Variants in CLUH observed in about 807,000 individuals in gnomAD.
The protein encoded by CLUH is CLUH binding protein of NUMT mRNA, also known as clustered mitochondria protein homolog.
A neutral mutation model predicts 139.3 loss-of-function variants in CLUH; 77 were observed. That is an observed-to-expected ratio of 0.55 (90% CI 0.46 to 0.67). The LOEUF is 0.67. Ranked by LOEUF, CLUH falls within the 30% of genes least tolerant of loss-of-function variation. The pLI is 0.00. For missense variants in CLUH, 1,876 were observed against 1,875.8 expected, an observed-to-expected ratio of 1.00 and a Z score of 0.00; for synonymous variants, 999 against 801.6, an observed-to-expected ratio of 1.25 and a Z score of -4.16.
intron 1 of CLUH, among the ~76,000 whole-genome samples, chr17:2,710,733 T>C (rs2070489782): frequency 1.3e-5 from 2 of 152,086 alleles, no homozygotes; most frequent in Admixed American, 6.5e-5. Context: ...CTGCAGCCAC[T>C]GCCACAGTCA....
In CLUH at chr17:2,690,677, C is replaced by T. The variant is rs765565801; in HGVS notation, c.3964G>A (p.Glu1322Lys). The change falls in exon 26 of 26, where the codon GAG becomes AAG. Residue 1322 changes from glutamate to lysine, a missense_variant. Coordinates refer to ENST00000651024, the MANE Select transcript of CLUH (RefSeq NM_001366661.1). ...CCTGGGGCCCCCGCTGGCGCGGGCTCGGTAGCCATGGGCTCCTCGGCTCTA... is the reference window on the plus strand; with the variant it reads ...CCTGGGGCCCCCGCTGGCGCGGGCTTGGTAGCCATGGGCTCCTCGGCTCTA... ...RDRAEEPMATEPAPAGAPGDL... is the reference protein window; with the variant it reads ...RDRAEEPMATKPAPAGAPGDL... The T allele has an allele frequency of 1.9e-6, 3 of 1,562,428 alleles. No individual in the cohort carries two copies. The highest frequency in any genetic ancestry group is 1.4e-5 in the African/African-American group (1 of 71,040).
Position 2,697,051 on chromosome 17 carries a change from C to T in CLUH, c.1962-109G>A, listed in dbSNP as rs985444052. 11 of 810,042 alleles carry T rather than the reference C, an allele frequency of 1.4e-5. No individual in the cohort carries two copies. The African/African-American group carries it at 1.9e-4, about 14-fold the overall frequency. 50.2% of individuals were successfully genotyped at this position (810,042 alleles called of 1,614,324 possible). On this transcript the variant is annotated intron_variant, in intron 10 of 25. Coordinates refer to ENST00000651024, the MANE Select transcript of CLUH (RefSeq NM_001366661.1). ...CTCCACACCCCGCAGGCATAGGGCACCTCCTGGCCGGTGTGCATGAGTCAA... is the reference window on the plus strand; with the variant it reads ...CTCCACACCCCGCAGGCATAGGGCATCTCCTGGCCGGTGTGCATGAGTCAA...
rs756237494 is a variant in CLUH, at chr17:2,704,476, C to G, written c.189G>C (p.Gly63=). The change falls in exon 2 of 26, where the codon GGG becomes GGC. Residue 63 remains glycine (G), a synonymous_variant. Coordinates refer to ENST00000651024, the MANE Select transcript of CLUH (RefSeq NM_001366661.1). This position sits in a 1 kb window ranked among gnomAD's most constrained non-coding sequence, Gnocchi z 5.7. ...CATCTCCCGGGCCGGCCTCGTCAAG[C>G]CCATTTTCCCTGGGTGGCTCGGCCG... The part of the protein sequence containing the change: ...AAAAEPPREN[G]LDEAGPGDET... 3 of 1,597,834 alleles carry G rather than the reference C, an allele frequency of 1.9e-6. No homozygotes were observed. The South Asian group carries it at 3.4e-5, about 18-fold the overall frequency.
chr17:2,694,783 G>T, intron 16 of CLUH, 74 bp downstream of exon 16: 3 of 1,454,056 alleles, frequency 2.1e-6, no homozygotes, highest in Non-Finnish European at 2.7e-6. Flanking sequence ...GGCCTTAGAC[G>T]CCATCTGGGA....
At position 2,692,077 on chromosome 17, in the gene CLUH, A is replaced by T; in HGVS notation, c.3581T>A (p.Val1194Asp). The change falls in exon 23 of 26, where the codon GTC (valine) becomes GAC (aspartate). Residue 1194 changes from valine to aspartate, a missense_variant. Coordinates refer to ENST00000651024, the MANE Select transcript of CLUH (RefSeq NM_001366661.1). ...CCGGAACTCAGCTTTGCTCTCGTAG[A>T]CTCGGGCGACAAGGTGGTGGCTGCC... Reference protein sequence around the residue: ...VALSHHLVARVYESKAEFRSA... With the variant: ...VALSHHLVARDYESKAEFRSA... 6.2e-7 allele frequency: 1 copy of T among 1,602,756 alleles called. No homozygotes were observed. Among genetic ancestry groups the T allele is most frequent in the Non-Finnish European group, 8.5e-7 (1 of 1,175,818 alleles).
At chr17:2,710,665 A>G (rs1597633075) in intron 1 of CLUH, among the ~76,000 whole-genome samples, 1 of 151,862 alleles carries the variant, frequency 6.6e-6, no homozygotes, top group East Asian at 1.9e-4. Flanking sequence ...CGGTGGAGGG[A>G]ACAGAAGGAA....
Position 2,703,655 on chromosome 17 carries a change from T to A in CLUH, c.304-166A>T, listed in dbSNP as rs2070256581. 6.6e-6 allele frequency among the ~76,000 whole-genome samples: 1 copy of A among 152,140 alleles called. No individual in the cohort carries two copies. Among genetic ancestry groups the A allele is most frequent in the African/African-American group, 2.4e-5 (1 of 41,436 alleles). ...AGAATAAATGCCCCAAATACTCGAA[T>A]ATCGGCTATCCCACTTTCTGGCTTT... On this transcript the variant is annotated intron_variant, in intron 2 of 25. Coordinates refer to ENST00000651024, the MANE Select transcript of CLUH (RefSeq NM_001366661.1). This position sits in a 1 kb window ranked among gnomAD's most constrained non-coding sequence, Gnocchi z 4.2.
chr17:2,690,730 T>C lies in CLUH; in HGVS notation c.3911A>G (p.Gln1304Arg), dbSNP rs750187614. 2 of 1,556,224 alleles carry C rather than the reference T, an allele frequency of 1.3e-6. No individual in the cohort carries two copies. The highest frequency in any genetic ancestry group is 2.1e-5 in the Admixed American group (1 of 47,022). Residue 1304 changes from glutamine (Q) to arginine (R), a missense_variant, in exon 26 of 26, where the codon CAG becomes CGG. This residue lies in a region of CLUH where 1,454 missense variants were observed against 1,384.4 expected (regional missense o/e 1.05). Coordinates refer to ENST00000651024, the MANE Select transcript of CLUH (RefSeq NM_001366661.1). ...CCTGTTTCTGCTGGCCTCCTGGAGC[T>C]GGTGCCGCCGCGCCACCTCGGCTTT... ...NLKAEVARRH[Q>R]LQEASRNRDR...
In CLUH at chr17:2,698,350, C is replaced by G. The variant is rs760333307; in HGVS notation, c.1507G>C (p.Glu503Gln). 1 of 1,613,214 alleles carries G rather than the reference C, an allele frequency of 6.2e-7. No homozygotes were observed. Among genetic ancestry groups the G allele is most frequent in the Admixed American group, 1.7e-5 (1 of 59,994 alleles). The change falls in exon 10 of 26, where the codon GAG becomes CAG. Residue 503 changes from glutamate (E) to glutamine (Q), a missense_variant. Physicochemically the swap from Glu to Gln is conservative, Grantham distance 29 (BLOSUM62 2). Coordinates refer to ENST00000651024, the MANE Select transcript of CLUH (RefSeq NM_001366661.1). ...GVRTYNAVDV[E>Q]GLYTLGTVVV... ...ACCGTGCCCAGCGTGTACAGCCCCTCCACGTCCACCGCGTTGTACGTGCGG... is the reference window on the plus strand; with the variant it reads ...ACCGTGCCCAGCGTGTACAGCCCCTGCACGTCCACCGCGTTGTACGTGCGG...
Position 2,694,874 on chromosome 17 carries a change from A to G in CLUH, c.2835T>C (p.Phe945=), listed in dbSNP as rs912974755. 4 of 1,530,692 alleles carry G rather than the reference A, an allele frequency of 2.6e-6. No homozygotes were observed. Among genetic ancestry groups the G allele is most frequent in the Non-Finnish European group, 3.5e-6 (4 of 1,134,912 alleles). The allele number at this position is 1,530,692 out of a possible 1,614,324, so 94.8% of individuals were successfully genotyped here. A position where few individuals can be genotyped will look rare whatever the true frequency, so the allele number is the denominator to read the frequency against. The part of the protein sequence containing the change: ...KNICQEAKNY[F]DFDLECETVD... ...GCACGCACCACTCGAGGTCGAAGTC[A>G]AAGTAGTTCTTGGCCTCCTGGCAGA... The change falls in exon 16 of 26, where the codon TTT becomes TTC. Residue 945 remains phenylalanine, a synonymous_variant. Coordinates refer to ENST00000651024, the MANE Select transcript of CLUH (RefSeq NM_001366661.1).
rs766307177 is a variant in CLUH at position 2,694,904 on chromosome 17, C to A, written c.2805G>T (p.Lys935Asn). The change falls in exon 16 of 26, where the codon AAG (lysine) becomes AAT (asparagine). Residue 935 changes from lysine (K) to asparagine (N), a missense_variant. By Grantham distance (94) the Lys-to-Asn change is moderately conservative. Coordinates refer to ENST00000651024, the MANE Select transcript of CLUH (RefSeq NM_001366661.1). ...AGTTCTTGGCCTCCTGGCAGATGTT[C>A]TTCCAGAGCTCCTGGGGGGTCATGA... The part of the protein sequence containing the change: ...WAVMTPQELW[K>N]NICQEAKNYF... 1 of 1,513,916 alleles carries A rather than the reference C, an allele frequency of 6.6e-7. No individual in the cohort carries two copies. The highest frequency in any genetic ancestry group is 1.4e-5 in the African/African-American group (1 of 71,794). 93.8% of individuals were successfully genotyped at this position (1,513,916 alleles called of 1,614,324 possible). A position where few individuals can be genotyped will look rare whatever the true frequency, so the allele number is the denominator to read the frequency against.
At chr17:2,696,993 G>C in intron 10 of CLUH, 51 bp from the exon 11 acceptor site, 1 of 1,399,334 alleles carries the variant, frequency 7.1e-7, no homozygotes. Flanking sequence ...GGGGAGAGGA[G>C]CTCTGCTGGC....
In CLUH at chr17:2,696,162, G is replaced by A; in HGVS notation, c.2388C>T (p.Gly796=). ...AAFLLSCQIP[G]LVKDCMEHAV... ...AGCCCCGCAGCCCCTCCCTCACCAA[G>A]CCAGGGATCTGGCAGGAGAGCAGGA... is the stretch of plus-strand genomic sequence containing the variant. Residue 796 remains glycine (G), a synonymous_variant, in exon 13 of 26, where the codon GGC becomes GGT. Coordinates refer to ENST00000651024, the MANE Select transcript of CLUH (RefSeq NM_001366661.1). The A allele has an allele frequency of 6.4e-7, 1 of 1,555,646 alleles. No individual in the cohort carries two copies. Among genetic ancestry groups the A allele is most frequent in the Non-Finnish European group, 8.7e-7 (1 of 1,148,810 alleles).
At position 2,690,583 on chromosome 17, in the gene CLUH, T is replaced by C. The variant is rs1190962209; in HGVS notation, c.*11A>G. On this transcript the variant is annotated 3_prime_UTR_variant, in exon 26 of 26. Coordinates refer to ENST00000651024, the MANE Select transcript of CLUH (RefSeq NM_001366661.1). ...CGGGGCCGCTGGCTGGCTGTCCGTC[T>C]GGCTCCCTCTCTATCCCTGCACGCT... The C allele has an allele frequency of 6.9e-7, 1 of 1,443,812 alleles. No homozygotes were observed. Among genetic ancestry groups the C allele is most frequent in the African/African-American group, 1.5e-5 (1 of 67,576 alleles). 89.4% of individuals were successfully genotyped at this position (1,443,812 alleles called of 1,614,324 possible). A position where few individuals can be genotyped will look rare whatever the true frequency, so the allele number is the denominator to read the frequency against.
chr17:2,710,522 C>T (rs185587707), intron 1 of CLUH, among the ~76,000 whole-genome samples: 2 of 152,238 alleles, frequency 1.3e-5, no homozygotes, highest in African/African-American at 4.8e-5. Flanking sequence ...GGACAGTCGA[C>T]GGAGGAGGGA....
chr17:2,702,788 T>A (rs982553777), intron 3 of CLUH, among the ~76,000 whole-genome samples: 5 of 151,790 alleles, frequency 3.3e-5, no homozygotes, highest in Admixed American at 2.0e-4. Context: ...TGGTACTGCC[T>A]GATTTTTTTT....
At position 2,690,790 on chromosome 17, in the gene CLUH, G is replaced by T. The variant is rs374636349; in HGVS notation, c.3864-13C>A. The T allele has an allele frequency of 5.0e-4, 736 of 1,481,134 alleles. 5 individuals are homozygous for T. The African/African-American group carries it at 0.01, about 20-fold the overall frequency. 91.7% of individuals were successfully genotyped at this position (1,481,134 alleles called of 1,614,324 possible). A position where few individuals can be genotyped will look rare whatever the true frequency, so the allele number is the denominator to read the frequency against. ...CAGGTCTTTTTGGCTGAGGATAAGG[G>T]TGGGGATGGAGGTGGCTCTCAGAGG... On this transcript the variant is annotated splice_polypyrimidine_tract_variant and intron_variant, in intron 25 of 25. Coordinates refer to ENST00000651024, the MANE Select transcript of CLUH (RefSeq NM_001366661.1).
In CLUH at chr17:2,700,825, C is replaced by T; in HGVS notation, c.1026G>A (p.Arg342=). 6.6e-7 allele frequency: 1 copy of T among 1,516,844 alleles called. No homozygotes were observed. The highest frequency in any genetic ancestry group is 2.3e-5 in the East Asian group (1 of 44,166). 94.0% of individuals were successfully genotyped at this position (1,516,844 alleles called of 1,614,324 possible). ...TCCTCTCGAACGGGTGGCGCTGGAC[C>T]CTGTGGCAGGCAGGGGAGGGGGAGA... ...KKNFAVLQKK[R]VQRHPFERIA... Residue 342 remains arginine (R), a splice_region_variant and synonymous_variant, in exon 8 of 26, where the codon AGG becomes AGA. Coordinates refer to ENST00000651024, the MANE Select transcript of CLUH (RefSeq NM_001366661.1).
chr17:2,693,303 G>C (rs2069788265), intron 19 of CLUH, among the ~76,000 whole-genome samples: 1 of 152,112 alleles, frequency 6.6e-6, no homozygotes. Context: ...GGCTGAGGTG[G>C]GAGAATCGCT....
Sources: gnomAD v4.1 joint callset for allele counts (sites outside exome capture counted in the v4.1 genomes callset) on GRCh38, gnomAD v4.1.1 for gene constraint, gnomAD v4.1.1 regional missense constraint, Gnocchi (gnomAD v3.1) non-coding constraint, MANE v1.5 for transcripts, NCBI Gene and HGNC (gene_info 2026-07-23, HGNC 2026-07-21) for gene names.